The following SPTLC1 variants were observed in gnomAD, a reference collection of about 807,000 sequenced individuals.
SPTLC1 encodes the protein serine palmitoyltransferase 1.
Under a neutral mutation model 68.9 loss-of-function variants are expected in SPTLC1, and 55 were observed. That is an observed-to-expected ratio of 0.80 (90% CI 0.64 to 1.00). SPTLC1 has a LOEUF of 1.00. SPTLC1 is among the 50% of genes least tolerant of loss of function. SPTLC1 has a pLI of 0.00. For synonymous variants in SPTLC1, 197 were observed against 201.6 expected (o/e 0.98, Z 0.19); for missense variants, 449 against 573.1 (o/e 0.78, Z 2.21).
chr9:92,061,949 G>C (rs953340885), intron 6 of SPTLC1, among the ~76,000 whole-genome samples: 4 of 152,070 alleles, frequency 2.6e-5, no homozygotes, highest in Non-Finnish European at 5.9e-5. Context: ...GAAACAAAAA[G>C]CAAAATGGCA....
intron 4 of SPTLC1, 28 bp from the exon 5 acceptor site, chr9:92,080,116 T>A: frequency 1.3e-6 from 2 of 1,560,360 alleles, no homozygotes; most frequent in Middle Eastern, 1.7e-4. Context: ...AATTATACTT[T>A]AATAATTTAT....
chr9:92,045,917 G>T, intron 12 of SPTLC1, 82 bp downstream of exon 12: 3 of 1,336,286 alleles, frequency 2.2e-6, no homozygotes, highest in African/African-American at 1.5e-5. Flanking sequence ...ACTGACCCAA[G>T]CCTAGAAATT....
chr9:92,036,161 T>G (rs763486015), intron 13 of SPTLC1, among the ~76,000 whole-genome samples: 34 of 152,290 alleles, frequency 2.2e-4, no homozygotes, highest in Admixed American at 1.2e-3. Context: ...ATCAATGAAG[T>G]TTCTAGATAG....
intron 3 of SPTLC1, among the ~76,000 whole-genome samples, chr9:92,087,692 G>C (rs1209976172): frequency 1.3e-5 from 2 of 152,198 alleles, no homozygotes; most frequent in African/African-American, 2.4e-5. Context: ...CAGGGGTCAG[G>C]GGTCAGGGAC....
At chr9:92,059,476 T>G (rs1166076086) in intron 6 of SPTLC1, among the ~76,000 whole-genome samples, 168 bp from the exon 7 acceptor site, 1 of 152,216 alleles carries the variant, frequency 6.6e-6, no homozygotes, top group Non-Finnish European at 1.5e-5. Flanking sequence ...TCTTCATCCA[T>G]GAGTCCTTTT....
At chr9:92,114,853 G>A (rs1272870568) in intron 1 of SPTLC1, 2 of 178,504 alleles carry the variant, frequency 1.1e-5, no homozygotes, top group Non-Finnish European at 2.4e-5. Context: ...CAAATCCTAA[G>A]TCACTTGATT....
In SPTLC1 at chr9:92,031,811, T is replaced by C. The variant is rs576072015; in HGVS notation, c.*654A>G. ...ATTATTGCTCACTTAGGAAGTATAA[T>C]GAATATTCTCTGGCTAAGGATGCTC... On this transcript the variant is annotated 3_prime_UTR_variant, in exon 15 of 15. Coordinates refer to ENST00000262554, the MANE Select transcript of SPTLC1 (RefSeq NM_006415.4). 6.5e-6 allele frequency: 1 copy of C among 154,154 alleles called. No homozygotes were observed. The highest frequency in any genetic ancestry group is 6.5e-5 in the Admixed American group (1 of 15,432). 9.5% of individuals were successfully genotyped at this position (154,154 alleles called of 1,614,324 possible).
chr9:92,049,824 T>A, intron 9 of SPTLC1, 136 bp downstream of exon 9: 1 of 724,582 alleles, frequency 1.4e-6, no homozygotes, highest in Non-Finnish European at 2.5e-6. Flanking sequence ...CTCACTGAGG[T>A]GACAGACACC....
intron 13 of SPTLC1, among the ~76,000 whole-genome samples, chr9:92,035,164 G>A (rs1253874389): frequency 3.3e-5 from 5 of 152,212 alleles, no homozygotes; most frequent in African/African-American, 1.2e-4. Flanking sequence ...AGAGGTCACA[G>A]TTGCACCTTT....
At chr9:92,044,161 G>C (rs930408147) in intron 12 of SPTLC1, among the ~76,000 whole-genome samples, 2 of 152,186 alleles carry the variant, frequency 1.3e-5, no homozygotes, top group African/African-American at 4.8e-5. Flanking sequence ...GCTGGGAGCT[G>C]TCTCTATACA....
intron 5 of SPTLC1, among the ~76,000 whole-genome samples, chr9:92,075,294 C>T (rs1018179052): frequency 2.6e-5 from 4 of 152,220 alleles, no homozygotes; most frequent in Non-Finnish European, 4.4e-5. Context: ...AACTACTCCT[C>T]TCCTTCTTAG....
At chr9:92,050,956 G>T in intron 8 of SPTLC1, 3 of 983,398 alleles carry the variant, frequency 3.1e-6, no homozygotes, top group Non-Finnish European at 3.6e-6. Context: ...GGGATTAAAG[G>T]TGTGAGCCAC....
At chr9:92,111,719 G>C (rs1048643169) in intron 2 of SPTLC1, 6 of 152,280 alleles carry the variant, frequency 3.9e-5, no homozygotes, top group African/African-American at 1.4e-4. Context: ...CATAGCACTT[G>C]TTATTATAGC....
intron 5 of SPTLC1, among the ~76,000 whole-genome samples, chr9:92,076,090 A>G (rs947262541): frequency 6.6e-6 from 1 of 152,206 alleles, no homozygotes; most frequent in Non-Finnish European, 1.5e-5. Flanking sequence ...CTGAATTAAT[A>G]GCACTAACTC....
chr9:92,060,786 G>A (rs1280361859), intron 6 of SPTLC1, among the ~76,000 whole-genome samples: 2 of 151,330 alleles, frequency 1.3e-5, no homozygotes, highest in Non-Finnish European at 2.9e-5. Context: ...GGTGGTGGGT[G>A]CCTGTAGTCC....
At chr9:92,032,643 A>G in intron 14 of SPTLC1, 85 bp from the exon 15 acceptor site, 1 of 1,554,488 alleles carries the variant, frequency 6.4e-7, no homozygotes, top group Non-Finnish European at 8.8e-7. Flanking sequence ...TTTGGAGGCC[A>G]AGGCAGGTGG....
chr9:92,076,463 C>T (rs749517638), intron 5 of SPTLC1, among the ~76,000 whole-genome samples: 1 of 152,184 alleles, frequency 6.6e-6, no homozygotes, highest in Non-Finnish European at 1.5e-5. Flanking sequence ...CTTAAACTAC[C>T]AGTCACTTCC....
intron 8 of SPTLC1, among the ~76,000 whole-genome samples, chr9:92,052,375 TTG>T (rs914125679): frequency 6.6e-6 from 1 of 152,082 alleles, no homozygotes; most frequent in African/African-American, 2.4e-5. Context: ...GGATAACCAC[TTG>T]TGAAAGAATA....
chr9:92,058,969 C>T (rs543625218), intron 7 of SPTLC1, among the ~76,000 whole-genome samples: 76 of 152,192 alleles, frequency 5.0e-4, no homozygotes, highest in Non-Finnish European at 9.8e-4. Context: ...GATTACCTCC[C>T]TCCAATTTGC....
Sources: allele counts gnomAD v4.1 joint callset (sites outside exome capture counted in the v4.1 genomes callset), GRCh38; gene constraint gnomAD v4.1.1; transcripts MANE v1.5; gene names NCBI Gene and HGNC (gene_info 2026-07-23, HGNC 2026-07-21).